PLEKHH2: variants seen among roughly 807,000 people sequenced by gnomAD.
PLEKHH2 encodes pleckstrin homology domain-containing family H member 2.
A neutral mutation model predicts 187.9 loss-of-function variants in PLEKHH2; 129 were observed. The observed-to-expected ratio is 0.69, with a 90% CI of 0.59 to 0.79. The LOEUF is 0.79. PLEKHH2 is among the 30% of genes least tolerant of loss of function. The pLI is 0.00. For missense variants in PLEKHH2, 2,076 were observed against 1,751.2 expected (o/e 1.19, Z -3.31); for synonymous variants, 686 against 605.6 (o/e 1.13, Z -1.95).
intron 15 of PLEKHH2, among the ~76,000 whole-genome samples, chr2:43,712,898 G>T (rs1203923107): frequency 6.6e-6 from 1 of 151,998 alleles, no homozygotes; most frequent in Non-Finnish European, 1.5e-5. Flanking sequence ...AAAATCTGGT[G>T]AAAAGTAAGA....
chr2:43,695,004 A>G, intron 5 of PLEKHH2, 139 bp from the exon 6 acceptor site: 2 of 414,118 alleles, frequency 4.8e-6, no homozygotes, highest in Non-Finnish European at 8.5e-6. Context: ...AATTAATCTG[A>G]GATTTGTTTA....
chr2:43,725,427 C>G (rs1362388480), intron 16 of PLEKHH2, among the ~76,000 whole-genome samples: 3 of 152,122 alleles, frequency 2.0e-5, no homozygotes, highest in Non-Finnish European at 4.4e-5. Flanking sequence ...GGAGACCTTC[C>G]CCCCTCCTTC....
intron 2 of PLEKHH2, among the ~76,000 whole-genome samples, chr2:43,677,873 G>A (rs551922793): frequency 7.5e-5 from 11 of 146,638 alleles, no homozygotes; most frequent in South Asian, 2.2e-4. Context: ...CTGGCCGGGC[G>A]GGGGGCTGAT....
At chr2:43,667,433 C>G (rs576460847) in intron 2 of PLEKHH2, among the ~76,000 whole-genome samples, 23 of 152,242 alleles carry the variant, frequency 1.5e-4, no homozygotes, top group African/African-American at 5.5e-4. Flanking sequence ...AGTTCTACTC[C>G]TAAATAGATA....
At chr2:43,649,101 G>A (rs1471577760) in intron 2 of PLEKHH2, among the ~76,000 whole-genome samples, 1 of 152,034 alleles carries the variant, frequency 6.6e-6, no homozygotes, top group Non-Finnish European at 1.5e-5. Context: ...ATTGAAGCTT[G>A]TGAAGAAAAA....
intron 25 of PLEKHH2, among the ~76,000 whole-genome samples, chr2:43,755,571 C>T (rs1672183214): frequency 6.6e-6 from 1 of 152,184 alleles, no homozygotes; most frequent in African/African-American, 2.4e-5. Context: ...AACTCAGCTA[C>T]TTAAGACAGT....
At chr2:43,682,832 C>T (rs1028131766) in intron 3 of PLEKHH2, among the ~76,000 whole-genome samples, 3 of 152,028 alleles carry the variant, frequency 2.0e-5, no homozygotes, top group Non-Finnish European at 4.4e-5. Flanking sequence ...ACTATTTGAT[C>T]TTTAGTGTCT....
chr2:43,729,848 AAT>A (rs1332574623), intron 18 of PLEKHH2, 103 bp downstream of exon 18: 4 of 658,200 alleles, frequency 6.1e-6, no homozygotes, highest in African/African-American at 1.9e-5. Context: ...GTTTCCCTGA[AAT>A]ATACCCACCT....
Position 43,726,427 on chromosome 2 carries a change from C to A in PLEKHH2, c.2697C>A (p.Leu899=), listed in dbSNP as rs1237006118. ...IHPKDQGPTY[L]LIGSKHEKDT... is the part of the protein sequence containing the mutation. ...CCAAAGACCAAGGTCCAACTTACCT[C>A]CTAATTGGATCCAAGCATGAAAAGG... is the stretch of plus-strand genomic sequence containing the variant. The change falls in exon 17 of 30, where the codon CTC becomes CTA. Residue 899 remains leucine (L), a synonymous_variant. Transcript: ENST00000282406. 5 of 1,609,928 alleles carry A rather than the reference C, an allele frequency of 3.1e-6. No homozygotes were observed. Among genetic ancestry groups the A allele is most frequent in the Admixed American group, 3.3e-5 (2 of 59,972 alleles).
intron 27 of PLEKHH2, among the ~76,000 whole-genome samples, chr2:43,760,519 C>T (rs188819286): frequency 5.9e-5 from 9 of 152,138 alleles, no homozygotes; most frequent in African/African-American, 1.7e-4. Flanking sequence ...CACACCACCA[C>T]GCTCAGCTAA....
rs78196497 is a variant in PLEKHH2 at position 43,667,902 on chromosome 2, A to C, written c.124-10961A>C. On this transcript the variant is annotated intron_variant, in intron 2 of 29. Coordinates refer to ENST00000282406, the MANE Select transcript of PLEKHH2 (RefSeq NM_172069.4). ...AACTCTGTGAATATAGTAAAAAAAA[A>C]CGCTGAATTGTACACTTTAAAGTGG... Among the ~76,000 whole-genome samples the C allele has an allele frequency of 4.8e-3, 727 of 152,322 alleles. 3 individuals are homozygous for C. The highest frequency in any genetic ancestry group is 0.017 in the African/African-American group (690 of 41,562).
At chr2:43,738,604 C>T in intron 20 of PLEKHH2, 84 bp downstream of exon 20, 2 of 1,301,284 alleles carry the variant, frequency 1.5e-6, no homozygotes, top group Non-Finnish European at 2.1e-6. Context: ...TCAGCATAGA[C>T]ATTTGGAGAA....
intron 9 of PLEKHH2, among the ~76,000 whole-genome samples, chr2:43,704,441 C>T (rs1171339515): frequency 6.6e-6 from 1 of 151,854 alleles, no homozygotes; most frequent in African/African-American, 2.4e-5. Flanking sequence ...GCAGACAGAT[C>T]ACGAAGTCAG....
At chr2:43,645,332 G>A (rs1277802676) in intron 2 of PLEKHH2, among the ~76,000 whole-genome samples, 2 of 152,036 alleles carry the variant, frequency 1.3e-5, no homozygotes, top group Non-Finnish European at 2.9e-5. Context: ...GCAAGTATGT[G>A]TATAAAACCA....
At chr2:43,642,258 T>A (rs574769255) in intron 1 of PLEKHH2, among the ~76,000 whole-genome samples, 1 of 152,198 alleles carries the variant, frequency 6.6e-6, no homozygotes. Flanking sequence ...TATTTTCTTA[T>A]TTTCATTTTT....
At chr2:43,761,196 G>C (rs897967841) in intron 27 of PLEKHH2, among the ~76,000 whole-genome samples, 2 of 152,030 alleles carry the variant, frequency 1.3e-5, no homozygotes, top group Non-Finnish European at 2.9e-5. Context: ...ATTCATTCCA[G>C]TTTTATATCT....
Position 43,707,400 on chromosome 2 carries a change from G to A in PLEKHH2, c.1822-1G>A, listed in dbSNP as rs1669714999. Reference sequence around the variant, plus strand: ...AGGGAGGTTGTTCCACTTTTCTTTAGAAGGCGACCCAAATAAGTAGCAGCC... The same window carrying A: ...AGGGAGGTTGTTCCACTTTTCTTTAAAAGGCGACCCAAATAAGTAGCAGCC... On this transcript the variant is annotated splice_acceptor_variant, in intron 10 of 29. Transcript: ENST00000282406. LOFTEE classifies it high-confidence loss of function. 2.5e-6 allele frequency: 4 copies of A among 1,613,796 alleles called. No individual in the cohort carries two copies. The highest frequency in any genetic ancestry group is 2.7e-5 in the African/African-American group (2 of 74,860).
chr2:43,677,808 G>A (rs1214600835), intron 2 of PLEKHH2, among the ~76,000 whole-genome samples: 1 of 150,132 alleles, frequency 6.7e-6, no homozygotes, highest in Non-Finnish European at 1.5e-5. Flanking sequence ...CCCGCACCGG[G>A]CAGCTGGCTG....
intron 2 of PLEKHH2, among the ~76,000 whole-genome samples, chr2:43,673,950 T>C (rs1393547962): frequency 6.6e-6 from 1 of 152,196 alleles, no homozygotes; most frequent in African/African-American, 2.4e-5. Context: ...GTTGGGAAGA[T>C]AGTACAAGAT....
Sources: gnomAD v4.1 joint callset for allele counts (sites outside exome capture counted in the v4.1 genomes callset) on GRCh38, gnomAD v4.1.1 for gene constraint, MANE v1.5 for transcripts, NCBI Gene and HGNC (gene_info 2026-07-23, HGNC 2026-07-21) for gene names.